FGD5: variants seen among roughly 807,000 people sequenced by gnomAD.
FGD5 encodes the protein FYVE, RhoGEF and PH domain-containing protein 5.
FGD5 carries 28 observed loss-of-function variants against 133.4 expected under a neutral mutation model. The observed-to-expected ratio is 0.21, with a 90% confidence interval of 0.16 to 0.29. FGD5 has a LOEUF of 0.29. Among genes scored for constraint, FGD5 ranks in the 10% least tolerant of loss-of-function variants. The probability of loss-of-function intolerance (pLI) is 1.00; values close to 1 mark genes in which losing one functional copy is unlikely to be tolerated. For missense variants in FGD5, 1,858 were observed against 1,895.2 expected (o/e 0.98, Z 0.36); for synonymous variants, 810 against 776.5 (o/e 1.04, Z -0.72).
At chr3:14,883,493 C>G (rs913324674) in intron 4 of FGD5, among the ~76,000 whole-genome samples, 21 of 152,320 alleles carry the variant, frequency 1.4e-4, no homozygotes, top group South Asian at 2.1e-4. Flanking sequence ...CACCCATTCA[C>G]TCTCAATTAA....
intron 1 of FGD5, among the ~76,000 whole-genome samples, chr3:14,844,109 G>C (rs1395120913): frequency 1.3e-4 from 19 of 148,408 alleles, no homozygotes; most frequent in Non-Finnish European, 2.7e-4. Flanking sequence ...AAAGCGAAGT[G>C]GCTTGTCCAG....
At position 14,925,119 on chromosome 3, in the gene FGD5, A is replaced by C. The variant is rs993876592; in HGVS notation, c.4069-951A>C. On this transcript the variant is annotated intron_variant, in intron 17 of 19. Transcript: ENST00000285046. The stretch of plus-strand genomic sequence containing the variant: ...CTGTCTCAAAAAAAAAAAAAAAAAA[A>C]AAAAAAAAACACATACATGGTTAAA... Among the ~76,000 whole-genome samples, 3 of 151,176 alleles carry C rather than the reference A, an allele frequency of 2.0e-5. 1 individual carries two copies. The highest frequency in any genetic ancestry group is 4.4e-5 in the Non-Finnish European group (3 of 67,790).
At chr3:14,841,985 G>C (rs1465823979) in intron 1 of FGD5, among the ~76,000 whole-genome samples, 1 of 152,232 alleles carries the variant, frequency 6.6e-6, no homozygotes, top group Non-Finnish European at 1.5e-5. Context: ...CTGTGCCTGA[G>C]AGTAAAGTCT....
intron 1 of FGD5, among the ~76,000 whole-genome samples, chr3:14,839,991 C>T (rs1462346585): frequency 9.2e-5 from 14 of 151,994 alleles, no homozygotes; most frequent in Admixed American, 9.2e-4. Flanking sequence ...GCCACAGGCA[C>T]TCCCAAAATT....
intron 18 of FGD5, 130 bp downstream of exon 18, chr3:14,926,328 T>G: frequency 8.3e-7 from 1 of 1,208,614 alleles, no homozygotes; most frequent in East Asian, 2.4e-5. Context: ...GGCAGTCAAG[T>G]CTTTAGTGAG....
chr3:14,892,153 T>G (rs2038041909), intron 4 of FGD5, among the ~76,000 whole-genome samples: 1 of 152,012 alleles, frequency 6.6e-6, no homozygotes, highest in Non-Finnish European at 1.5e-5. Context: ...ATCCTCTCTC[T>G]CAGGCACTTT....
chr3:14,864,026 A>G (rs1201924922), intron 1 of FGD5, 102 bp from the exon 2 acceptor site: 21 of 1,509,698 alleles, frequency 1.4e-5, no homozygotes, highest in Non-Finnish European at 1.8e-5. Context: ...GAGTCTTACT[A>G]CTTGTTTTCT....
chr3:14,812,957 G>C (rs2125063211), intron 1 of FGD5, among the ~76,000 whole-genome samples: 1 of 152,282 alleles, frequency 6.6e-6, no homozygotes, highest in Middle Eastern at 3.4e-3. Context: ...CTTATGAGTT[G>C]AGTACCATTG....
intron 1 of FGD5, among the ~76,000 whole-genome samples, chr3:14,848,314 C>T (rs2037091039): frequency 6.6e-6 from 1 of 152,300 alleles, no homozygotes; most frequent in Admixed American, 6.5e-5. Context: ...CGCCTGAACC[C>T]CAGGACAGCT....
In FGD5 at chr3:14,857,081, C is replaced by T. The variant is rs534142957; in HGVS notation, c.2526-7047C>T. ...CCTAATTTATTGAGAGTTTTTATCA[C>T]GAAGGGATGTTGAATATTATCAAAT... On this transcript the variant is annotated intron_variant, in intron 1 of 19. Coordinates refer to ENST00000285046, the MANE Select transcript of FGD5 (RefSeq NM_152536.4). 2.1e-4 allele frequency among the ~76,000 whole-genome samples: 32 copies of T among 152,068 alleles called. No individual in the cohort carries two copies. The South Asian group carries it at 6.4e-3, about 31-fold the overall frequency.
At chr3:14,919,028 C>A (rs1172770404) in intron 13 of FGD5, among the ~76,000 whole-genome samples, 195 bp downstream of exon 13, 3 of 151,896 alleles carry the variant, frequency 2.0e-5, no homozygotes, top group Non-Finnish European at 4.4e-5. Flanking sequence ...TTTCTCCCCC[C>A]AAAAAATGTA....
At chr3:14,846,817 T>C (rs1009071558) in intron 1 of FGD5, among the ~76,000 whole-genome samples, 1 of 152,240 alleles carries the variant, frequency 6.6e-6, no homozygotes, top group Non-Finnish European at 1.5e-5. Flanking sequence ...CTACCTTACA[T>C]GTTTGCGGGA....
chr3:14,900,494 C>CTCTG (rs759019617), intron 8 of FGD5, 41 bp downstream of exon 8: 11 of 1,606,030 alleles, frequency 6.8e-6, no homozygotes, highest in Non-Finnish European at 9.4e-6. Context: ...CTCAAGCCTG[C>CTCTG]TCTGCCTCCT....
intron 1 of FGD5, among the ~76,000 whole-genome samples, chr3:14,836,414 G>A (rs1490438902): frequency 6.6e-6 from 1 of 152,220 alleles, no homozygotes; most frequent in African/African-American, 2.4e-5. Flanking sequence ...AACTTAGGCA[G>A]CTGCTCAGCC....
intron 4 of FGD5, 73 bp from the exon 5 acceptor site, chr3:14,897,436 A>G (rs1377989846): frequency 4.6e-6 from 7 of 1,533,866 alleles, no homozygotes; most frequent in Non-Finnish European, 6.2e-6. Context: ...CCAAAGCCCC[A>G]GGGGAAATCT....
At chr3:14,877,976 A>G (rs139857119) in intron 2 of FGD5, among the ~76,000 whole-genome samples, 24 of 152,376 alleles carry the variant, frequency 1.6e-4, no homozygotes, top group Admixed American at 5.2e-4. Flanking sequence ...CAGAATGTCA[A>G]CAGTCCAAGA....
At chr3:14,893,131 T>C (rs2038061626) in intron 4 of FGD5, among the ~76,000 whole-genome samples, 1 of 152,224 alleles carries the variant, frequency 6.6e-6, no homozygotes, top group Non-Finnish European at 1.5e-5. Context: ...AGATAAAATA[T>C]TTTTCTTGTG....
chr3:14,829,821 A>G (rs960816530), intron 1 of FGD5, among the ~76,000 whole-genome samples: 2 of 152,116 alleles, frequency 1.3e-5, no homozygotes, highest in Admixed American at 1.3e-4. Context: ...CCTCCTCCCC[A>G]CCTGTCAGTG....
intron 2 of FGD5, among the ~76,000 whole-genome samples, chr3:14,875,824 G>C (rs937680194): frequency 6.6e-6 from 1 of 152,112 alleles, no homozygotes; most frequent in East Asian, 1.9e-4. Flanking sequence ...CTGAGGAGGA[G>C]GGAGGTCTCA....
Sources: allele counts gnomAD v4.1 joint callset (sites outside exome capture counted in the v4.1 genomes callset), GRCh38; gene constraint gnomAD v4.1.1; transcripts MANE v1.5; gene names NCBI Gene and HGNC (gene_info 2026-07-23, HGNC 2026-07-21).